The following SHQ1 variants were observed in gnomAD, a reference collection of about 807,000 sequenced individuals.
The protein encoded by SHQ1 is SHQ1, H/ACA ribonucleoprotein assembly factor, also known as protein SHQ1 homolog.
Under a neutral mutation model 53.8 loss-of-function variants are expected in SHQ1, and 49 were observed. The ratio of observed to expected loss-of-function variants is 0.91; its 90% CI spans 0.72 to 1.16. SHQ1 has a LOEUF of 1.16. Ranked by LOEUF, SHQ1 falls within the 50% of genes most tolerant of loss-of-function variation. SHQ1 has a pLI of 0.00. For synonymous variants in SHQ1, 243 were observed against 251.0 expected, an observed-to-expected ratio of 0.97 and a Z score of 0.30; for missense variants, 738 against 683.1, an observed-to-expected ratio of 1.08 and a Z score of -0.90.
intron 10 of SHQ1, chr3:72,753,657 A>G: frequency 3.0e-6 from 3 of 985,374 alleles, no homozygotes; most frequent in Non-Finnish European, 3.6e-6. Flanking sequence ...GCTTAGAGAA[A>G]GGGAGGGGTT....
the SHQ1 span, among the ~76,000 whole-genome samples, chr3:72,730,621 T>A: frequency 6.6e-6 from 1 of 152,166 alleles, no homozygotes; most frequent in East Asian, 1.9e-4. Context: ...GAGATGCCGA[T>A]TTCTCCTGGG....
intron 10 of SHQ1, among the ~76,000 whole-genome samples, chr3:72,762,256 AG>A (rs1705627836): frequency 6.6e-6 from 1 of 152,256 alleles, no homozygotes; most frequent in South Asian, 2.1e-4. Context: ...ATCCAAATGC[AG>A]AGAAGCCACC....
At chr3:72,745,966 G>T (rs181093257), downstream of SHQ1, among the ~76,000 whole-genome samples, 3 of 151,400 alleles carry the variant, frequency 2.0e-5, no homozygotes, top group African/African-American at 7.3e-5. Context: ...CCTCAGCCTC[G>T]AGTAGCTGGG....
chr3:72,845,058 G>C (rs1708289851), intron 1 of SHQ1, among the ~76,000 whole-genome samples: 1 of 151,676 alleles, frequency 6.6e-6, no homozygotes, highest in South Asian at 2.1e-4. Flanking sequence ...ATACTCAATG[G>C]GAAACAATAA....
the SHQ1 span, among the ~76,000 whole-genome samples, chr3:72,734,958 G>A: frequency 6.6e-6 from 1 of 151,596 alleles, no homozygotes; most frequent in Non-Finnish European, 1.5e-5. Flanking sequence ...TATGGCTGTG[G>A]AATGGGAGTG....
At chr3:72,839,153 T>C (rs1016787417) in intron 4 of SHQ1, among the ~76,000 whole-genome samples, 2 of 152,188 alleles carry the variant, frequency 1.3e-5, no homozygotes, top group African/African-American at 4.8e-5. Flanking sequence ...GCACTTCTAA[T>C]GTAAATGTAA....
chr3:72,748,965 GCA>G (rs1553687832), downstream of SHQ1, among the ~76,000 whole-genome samples: 2 of 125,654 alleles, frequency 1.6e-5, no homozygotes, highest in Non-Finnish European at 3.2e-5. Context: ...AAACACACAC[GCA>G]CACGCACACA....
At chr3:72,820,484 C>A (rs1875626) in intron 6 of SHQ1, among the ~76,000 whole-genome samples, 1 of 152,022 alleles carries the variant, frequency 6.6e-6, no homozygotes. Flanking sequence ...AACAACAAAC[C>A]AGGAAATCAC....
Position 72,846,314 on chromosome 3 carries a change from TTAGAC to T in SHQ1, c.143+1879_143+1883del. Reference sequence around the variant, plus strand: ...CTGTATGTTCTTTTTTTTTTTTTTTTTAGACAGTCTCGCTCTGTTACTCAGGCTGG... The same window carrying T: ...CTGTATGTTCTTTTTTTTTTTTTTTTAGTCTCGCTCTGTTACTCAGGCTGG... On this transcript the variant is annotated intron_variant, in intron 1 of 10. Transcript: ENST00000325599. 4 of 1,500,180 alleles carry T rather than the reference TTAGAC, an allele frequency of 2.7e-6. No individual in the cohort carries two copies. The East Asian group carries it at 9.8e-5, about 37-fold the overall frequency. 92.9% of individuals were successfully genotyped at this position (1,500,180 alleles called of 1,614,324 possible).
chr3:72,788,000 T>A (rs1373641482), intron 10 of SHQ1, among the ~76,000 whole-genome samples: 2 of 152,026 alleles, frequency 1.3e-5, no homozygotes, highest in Non-Finnish European at 2.9e-5. Flanking sequence ...GCAGACGGAG[T>A]CTCGCTCACT....
intron 10 of SHQ1, among the ~76,000 whole-genome samples, chr3:72,765,557 A>ATATATTTT (rs1491527508): frequency 1.2e-4 from 7 of 57,186 alleles, no homozygotes; most frequent in African/African-American, 5.5e-4. Flanking sequence ...ATATATATAT[A>ATATATTTT]TTTTTTTTTT....
At position 72,815,349 on chromosome 3, in the gene SHQ1, C is replaced by A; in HGVS notation, c.936+1G>T. ...TAAACAATTGCAACTGGAAATCATACCTCAAACCAGCATAGTGTTGGACTC... is the reference window on the plus strand; with the variant it reads ...TAAACAATTGCAACTGGAAATCATAACTCAAACCAGCATAGTGTTGGACTC... On this transcript the variant is annotated splice_donor_variant, in intron 8 of 10. Transcript: ENST00000325599. LOFTEE classifies it high-confidence loss of function. 1 of 1,612,576 alleles carries A rather than the reference C, an allele frequency of 6.2e-7. No homozygotes were observed. Among genetic ancestry groups the A allele is most frequent in the Non-Finnish European group, 8.5e-7 (1 of 1,179,010 alleles).
chr3:72,846,438 A>G, intron 1 of SHQ1: 1 of 758,890 alleles, frequency 1.3e-6, no homozygotes, highest in East Asian at 2.7e-5. Flanking sequence ...TAGGACTACA[A>G]GCGCGTGCCA....
In SHQ1 at chr3:72,799,154, C is replaced by CA. The variant is rs200653110; in HGVS notation, c.1061-6119dup. Among the ~76,000 whole-genome samples the CA allele has an allele frequency of 9.5e-3, 1,231 of 129,366 alleles. 11 individuals carry two copies. Among genetic ancestry groups the CA allele is most frequent in the East Asian group, 0.026 (119 of 4,554 alleles). 84.9% of individuals were successfully genotyped at this position (129,366 alleles called of 152,430 possible). A position where few individuals can be genotyped will look rare whatever the true frequency, so the allele number is the denominator to read the frequency against. ...GCAACACAGTGGGACTCCATCTCTA[C>CA]AAAAAAAAAAATAATAATAATTTTA... On this transcript the variant is annotated intron_variant, in intron 9 of 10. Coordinates refer to ENST00000325599, the MANE Select transcript of SHQ1 (RefSeq NM_018130.3).
At chr3:72,799,533 C>A (rs772499272) in intron 9 of SHQ1, among the ~76,000 whole-genome samples, 21 of 152,104 alleles carry the variant, frequency 1.4e-4, no homozygotes, top group South Asian at 8.3e-4. Flanking sequence ...AAGTCAAATC[C>A]CTAGCAATTA....
chr3:72,807,535 A>G (rs2106842141), intron 9 of SHQ1, among the ~76,000 whole-genome samples: 1 of 152,346 alleles, frequency 6.6e-6, no homozygotes, highest in South Asian at 2.1e-4. Flanking sequence ...AATGGCAGTG[A>G]TTTCATCTTT....
rs140661101 is a variant in SHQ1, at chr3:72,774,878, G to A, written c.1181+18038C>T. 5.6e-3 allele frequency among the ~76,000 whole-genome samples: 854 copies of A among 152,328 alleles called. 5 individuals are homozygous for A. The highest frequency in any genetic ancestry group is 8.5e-3 in the Non-Finnish European group (581 of 68,028). On this transcript the variant is annotated intron_variant, in intron 10 of 10. Coordinates refer to ENST00000325599, the MANE Select transcript of SHQ1 (RefSeq NM_018130.3). ...GCCTGTAATCCCAGCACTTTGGGAGGCTGAGGCAGGTGGATCACCTGAAAT... is the reference window on the plus strand; with the variant it reads ...GCCTGTAATCCCAGCACTTTGGGAGACTGAGGCAGGTGGATCACCTGAAAT...
chr3:72,728,351 C>G, the SHQ1 span, among the ~76,000 whole-genome samples: 1 of 152,218 alleles, frequency 6.6e-6, no homozygotes, highest in Non-Finnish European at 1.5e-5. Flanking sequence ...CACGTACCAA[C>G]AGGTAGGTGA....
rs538851605 is a variant in SHQ1 at position 72,820,655 on chromosome 3, T to C, written c.728-3271A>G. On this transcript the variant is annotated intron_variant, in intron 6 of 10. Coordinates refer to ENST00000325599, the MANE Select transcript of SHQ1 (RefSeq NM_018130.3). Reference sequence around the variant, plus strand: ...TGCAGTGCCAACAATGCTTGGATGATTGCCACCATGAATAACATTTGTCAA... The same window carrying C: ...TGCAGTGCCAACAATGCTTGGATGACTGCCACCATGAATAACATTTGTCAA... Among the ~76,000 whole-genome samples, 13 of 152,344 alleles carry C rather than the reference T, an allele frequency of 8.5e-5. No homozygotes were observed. In the East Asian group the frequency reaches 1.2e-3, roughly 14 times the overall value.
Sources: gnomAD v4.1 joint callset for allele counts (sites outside exome capture counted in the v4.1 genomes callset) on GRCh38, gnomAD v4.1.1 for gene constraint, MANE v1.5 for transcripts, NCBI Gene and HGNC (gene_info 2026-07-23, HGNC 2026-07-21) for gene names.